Variants in NT5DC3 observed in about 807,000 individuals in gnomAD.
The protein encoded by NT5DC3 is 5'-nucleotidase domain containing 3, also known as 5'-nucleotidase domain-containing protein 3.
Under a neutral mutation model 67.8 loss-of-function variants are expected in NT5DC3, and 42 were observed. The ratio of observed to expected loss-of-function variants is 0.62; its 90% CI spans 0.48 to 0.80. NT5DC3 has a LOEUF of 0.80. Among genes scored for constraint, NT5DC3 ranks in the 30% least tolerant of loss-of-function variants. The probability of loss-of-function intolerance (pLI) is 0.00; values close to 1 mark genes in which losing one functional copy is unlikely to be tolerated. For missense variants in NT5DC3, 570 were observed against 696.4 expected, an observed-to-expected ratio of 0.82 and a Z score of 2.04; for synonymous variants, 237 against 255.6, an observed-to-expected ratio of 0.93 and a Z score of 0.69.
intron 2 of NT5DC3, among the ~76,000 whole-genome samples, chr12:103,809,934 G>A (rs1296766304): frequency 6.6e-6 from 1 of 152,062 alleles, no homozygotes; most frequent in South Asian, 2.1e-4. Context: ...GGTGACCCTG[G>A]GCAAGGTCGT....
intron 1 of NT5DC3, among the ~76,000 whole-genome samples, chr12:103,823,688 T>C (rs2139447050): frequency 6.6e-6 from 1 of 152,252 alleles, no homozygotes; most frequent in East Asian, 1.9e-4. Context: ...CACGTGTAGA[T>C]TGAAAACATC....
chr12:103,762,797 G>A, the NT5DC3 span, among the ~76,000 whole-genome samples: 1 of 152,216 alleles, frequency 6.6e-6, no homozygotes, highest in African/African-American at 2.4e-5. Context: ...TGGGGGACAG[G>A]GCTAGGGACC....
At chr12:103,788,269 T>G (rs566169571) in intron 10 of NT5DC3, among the ~76,000 whole-genome samples, 43 of 152,280 alleles carry the variant, frequency 2.8e-4, no homozygotes, top group African/African-American at 1.0e-3. Context: ...GGCAAGACCC[T>G]GTCTCTACAA....
intron 1 of NT5DC3, among the ~76,000 whole-genome samples, chr12:103,825,167 G>A (rs1345858965): frequency 6.6e-6 from 1 of 152,116 alleles, no homozygotes; most frequent in African/African-American, 2.4e-5. Context: ...TATATATTTT[G>A]CATCGTCTCC....
At chr12:103,811,458 G>A (rs193205109) in intron 2 of NT5DC3, among the ~76,000 whole-genome samples, 301 of 152,216 alleles carry the variant, frequency 2.0e-3, no homozygotes, top group African/African-American at 7.0e-3. Context: ...ACTTCACCTC[G>A]TGGTCTTCCT....
chr12:103,831,546 A>G (rs897028607), intron 1 of NT5DC3, among the ~76,000 whole-genome samples: 1 of 152,128 alleles, frequency 6.6e-6, no homozygotes. Context: ...CACAGAAAAA[A>G]TATCTAGAGC....
At chr12:103,796,804 C>T (rs541847810) in intron 6 of NT5DC3, 90 bp downstream of exon 6, 11 of 1,375,926 alleles carry the variant, frequency 8.0e-6, no homozygotes, top group Middle Eastern at 1.8e-4. Context: ...TTTAAAACAC[C>T]TAACCTAGAA....
At chr12:103,760,903 G>T in the NT5DC3 span, among the ~76,000 whole-genome samples, 1 of 152,208 alleles carries the variant, frequency 6.6e-6, no homozygotes, top group Non-Finnish European at 1.5e-5. Flanking sequence ...GCCCACACAA[G>T]CCAGGAAATC....
chr12:103,771,067 T>A (rs1208321132), downstream of NT5DC3: 1 of 152,292 alleles, frequency 6.6e-6, no homozygotes, highest in Non-Finnish European at 1.5e-5. Flanking sequence ...CTGTTGTTTA[T>A]AAGCTAAATC....
Position 103,775,372 on chromosome 12 carries a change from A to G in NT5DC3, c.*2457T>C, listed in dbSNP as rs1885309459. On this transcript the variant is annotated 3_prime_UTR_variant, in exon 14 of 14. Coordinates refer to ENST00000392876, the MANE Select transcript of NT5DC3 (RefSeq NM_001031701.3). Reference sequence around the variant, plus strand: ...GTGAACACTCATGGAAACAGGTTTTAAAAATAGTTCTACTTCATTCTTGAG... The same window carrying G: ...GTGAACACTCATGGAAACAGGTTTTGAAAATAGTTCTACTTCATTCTTGAG... 6.6e-6 allele frequency: 1 copy of G among 152,248 alleles called. No individual in the cohort carries two copies. The highest frequency in any genetic ancestry group is 2.4e-5 in the African/African-American group (1 of 41,474). 9.4% of individuals were successfully genotyped at this position (152,248 alleles called of 1,614,324 possible).
At chr12:103,840,870 G>A (rs1347680548) in intron 1 of NT5DC3, 79 bp downstream of exon 1, 7 of 794,602 alleles carry the variant, frequency 8.8e-6, no homozygotes, top group South Asian at 3.9e-5. Context: ...GGGCTGGTCC[G>A]GGTCCTAGGG....
chr12:103,758,292 G>A, the NT5DC3 span: 1 of 1,613,188 alleles, frequency 6.2e-7, no homozygotes, highest in Non-Finnish European at 8.5e-7. Flanking sequence ...AGAATGAGGT[G>A]AGTTGAGTCC....
intron 4 of NT5DC3, among the ~76,000 whole-genome samples, chr12:103,805,889 C>T (rs1454459058): frequency 2.0e-5 from 3 of 150,914 alleles, no homozygotes; most frequent in Admixed American, 6.6e-5. Context: ...ATCCAAACCA[C>T]CCAAATACCA....
the NT5DC3 span, among the ~76,000 whole-genome samples, chr12:103,760,508 G>T: frequency 6.6e-6 from 1 of 152,194 alleles, no homozygotes; most frequent in African/African-American, 2.4e-5. Flanking sequence ...TGACATGCCT[G>T]CCTCGGCCTT....
chr12:103,762,281 C>A, the NT5DC3 span: 150 of 1,614,076 alleles, frequency 9.3e-5, no homozygotes, highest in Non-Finnish European at 1.1e-4. Flanking sequence ...CAGACCTTGA[C>A]CCACACTGGC....
At chr12:103,749,765 A>G in the NT5DC3 span, among the ~76,000 whole-genome samples, 1 of 143,712 alleles carries the variant, frequency 7.0e-6, no homozygotes, top group Non-Finnish European at 1.5e-5. Flanking sequence ...GCATGAACAC[A>G]GGAGGCGGAG....
At chr12:103,801,097 C>T (rs1372968614) in intron 4 of NT5DC3, among the ~76,000 whole-genome samples, 1 of 152,082 alleles carries the variant, frequency 6.6e-6, no homozygotes, top group South Asian at 2.1e-4. Flanking sequence ...CCCTCCACTT[C>T]CCCAGCTGGC....
intron 4 of NT5DC3, among the ~76,000 whole-genome samples, chr12:103,805,709 G>A (rs1036179783): frequency 6.6e-6 from 1 of 151,998 alleles, no homozygotes; most frequent in Non-Finnish European, 1.5e-5. Flanking sequence ...AGCCAGGCAT[G>A]GTGGCATGTG....
intron 9 of NT5DC3, among the ~76,000 whole-genome samples, chr12:103,789,783 A>C (rs537833179): frequency 9.2e-5 from 14 of 152,320 alleles, no homozygotes; most frequent in African/African-American, 3.1e-4. Context: ...AAGGACTCAC[A>C]GTTTGTTTGC....
Sources: gnomAD v4.1 joint callset for allele counts (sites outside exome capture counted in the v4.1 genomes callset) on GRCh38, gnomAD v4.1.1 for gene constraint, MANE v1.5 for transcripts, NCBI Gene and HGNC (gene_info 2026-07-23, HGNC 2026-07-21) for gene names.